GPATCH1: variants seen among roughly 807,000 people sequenced by gnomAD.
GPATCH1 encodes G-patch domain containing 1, also known as G patch domain-containing protein 1.
GPATCH1 carries 73 observed loss-of-function variants against 114.9 expected under a neutral mutation model. The ratio of observed to expected loss-of-function variants is 0.64; its 90% CI spans 0.53 to 0.77. The LOEUF is 0.77. Among genes scored for constraint, GPATCH1 ranks in the 30% least tolerant of loss-of-function variants. The probability of loss-of-function intolerance (pLI) is 0.00; values close to 1 mark genes in which losing one functional copy is unlikely to be tolerated. For synonymous variants in GPATCH1, 391 were observed against 428.4 expected (o/e 0.91, Z 1.08); for missense variants, 1,058 against 1,144.3 (o/e 0.92, Z 1.09).
rs1004232036 is a variant in GPATCH1, at chr19:33,112,684, A to T, written c.1892+71A>T. 1.1e-5 allele frequency: 14 copies of T among 1,227,804 alleles called. No homozygotes were observed. In the Admixed American group the frequency reaches 1.3e-4, roughly 11 times the overall value. The allele number at this position is 1,227,804 out of a possible 1,614,324, so 76.1% of individuals were successfully genotyped here. A position where few individuals can be genotyped will look rare whatever the true frequency, so the allele number is the denominator to read the frequency against. ...ATTAAAGCTAATTTTCCCCTTACATACTCATATAAATTCTTATTTTTTCTA... is the reference window on the plus strand; with the variant it reads ...ATTAAAGCTAATTTTCCCCTTACATTCTCATATAAATTCTTATTTTTTCTA... On this transcript the variant is annotated intron_variant, in intron 13 of 19. Transcript: ENST00000170564.
At chr19:33,102,397 A>AT (rs35403942) in intron 9 of GPATCH1, among the ~76,000 whole-genome samples, 68,729 of 135,234 alleles carry the variant, frequency 0.51, 20,262 homozygotes, top group African/African-American at 0.78. Flanking sequence ...TCTAATTTCT[A>AT]TTTTTTTTTT....
chr19:33,105,302 C>T (rs1460876082), intron 9 of GPATCH1, among the ~76,000 whole-genome samples: 9 of 149,486 alleles, frequency 6.0e-5, no homozygotes, highest in African/African-American at 1.7e-4. Flanking sequence ...CATGGTGATG[C>T]GTGCCTGTAA....
rs1972551085 is a variant in GPATCH1 at position 33,087,989 on chromosome 19, T to C, written c.74-145T>C. ...TTCTAGGCTATATAAAGCAGTAAAG[T>C]CTAGGAATAACAATTTAAATGATTA... On this transcript the variant is annotated intron_variant, in intron 1 of 19. Coordinates refer to ENST00000170564, the MANE Select transcript of GPATCH1 (RefSeq NM_018025.3). 4 of 519,252 alleles carry C rather than the reference T, an allele frequency of 7.7e-6. No homozygotes were observed. In the South Asian group the frequency reaches 9.4e-5, roughly 12 times the overall value. The allele number at this position is 519,252 out of a possible 1,614,324, so 32.2% of individuals were successfully genotyped here. A position where few individuals can be genotyped will look rare whatever the true frequency, so the allele number is the denominator to read the frequency against.
chr19:33,100,726 T>C (rs2145316182), intron 8 of GPATCH1, among the ~76,000 whole-genome samples: 1 of 151,692 alleles, frequency 6.6e-6, no homozygotes, highest in East Asian at 1.9e-4. Flanking sequence ...TGTTCCTGCT[T>C]CAGGCCTGAG....
In GPATCH1 at chr19:33,130,156, A is replaced by T. The variant is rs748855159; in HGVS notation, c.2792A>T (p.Gln931Leu). The change falls in exon 20 of 20, where the codon CAG becomes CTG. Residue 931 changes from glutamine (Q) to leucine (L), a missense_variant. By Grantham distance (113) the Gln-to-Leu change is moderately radical. Around this residue, in one of 3 missense-constraint regions of GPATCH1, gnomAD observed 893 missense variants for 977.4 expected, o/e 0.91. Transcript: ENST00000170564. ...RRLKSLPLRR[Q>L] ...CTGAAAAGTCTTCCACTAAGAAGGC[A>T]GTAATTGAATGCTGCCCTGGCTCGT... 3.1e-6 allele frequency: 5 copies of T among 1,607,500 alleles called. No homozygotes were observed. Among genetic ancestry groups the T allele is most frequent in the Non-Finnish European group, 4.3e-6 (5 of 1,174,084 alleles).
chr19:33,129,376 C>G (rs1453680875), intron 19 of GPATCH1, among the ~76,000 whole-genome samples: 1 of 150,110 alleles, frequency 6.7e-6, no homozygotes, highest in Non-Finnish European at 1.5e-5. Context: ...AGTTCAAGAC[C>G]AGCTCGGGTA....
chr19:33,099,764 AAT>A (rs1491504947), intron 8 of GPATCH1, among the ~76,000 whole-genome samples: 1 of 140,370 alleles, frequency 7.1e-6, no homozygotes, highest in Admixed American at 7.3e-5. Context: ...ACGCCCAGCT[AAT>A]TTTTTTTTTT....
At chr19:33,104,680 C>T (rs918173819) in intron 9 of GPATCH1, among the ~76,000 whole-genome samples, 3 of 152,030 alleles carry the variant, frequency 2.0e-5, no homozygotes, top group Admixed American at 6.6e-5. Flanking sequence ...ACTCCTCAGG[C>T]GAGTCCAGCA....
At chr19:33,105,402 ACT>A (rs1972772102) in intron 9 of GPATCH1, among the ~76,000 whole-genome samples, 1 of 141,904 alleles carries the variant, frequency 7.0e-6, no homozygotes, top group African/African-American at 2.6e-5. Context: ...ACAGAGCAAG[ACT>A]CTGTCTCAAA....
rs768595423 is a variant in GPATCH1, at chr19:33,106,908, CATGGAGAAG to C, written c.1285+11_1285+19del. 22 of 1,595,998 alleles carry C rather than the reference CATGGAGAAG, an allele frequency of 1.4e-5. No individual in the cohort carries two copies. The African/African-American group carries it at 2.6e-4, about 18-fold the overall frequency. Reference sequence around the variant, plus strand: ...AGAGACGCCTATTCAAGGTATGTGCCATGGAGAAGACGGAAATCATTTCACATAATTCGA... The same window carrying C: ...AGAGACGCCTATTCAAGGTATGTGCCACGGAAATCATTTCACATAATTCGA... On this transcript the variant is annotated intron_variant, in intron 10 of 19. Transcript: ENST00000170564.
rs3786931 is a variant in GPATCH1 at position 33,129,598 on chromosome 19, G to A, written c.2766-532G>A. ...TTGCTTTTATAAGTGGTCTTAATAC[G>A]AGGTGTGGGTGAGTGAGTCTCTGTG... On this transcript the variant is annotated intron_variant, in intron 19 of 19. Transcript: ENST00000170564. 0.023 allele frequency among the ~76,000 whole-genome samples: 3,451 copies of A among 152,116 alleles called. 397 individuals carry two copies. The East Asian group carries it at 0.36, about 16-fold the overall frequency.
At chr19:33,128,594 A>G (rs1469726991) in intron 19 of GPATCH1, among the ~76,000 whole-genome samples, 2 of 152,080 alleles carry the variant, frequency 1.3e-5, no homozygotes, top group East Asian at 1.9e-4. Context: ...GGGATCTCCT[A>G]TGTTGCCCAA....
rs745713449 is a variant in GPATCH1 at position 33,117,973 on chromosome 19, G to C, written c.2345G>C (p.Gly782Ala). The C allele has an allele frequency of 6.2e-7, 1 of 1,613,868 alleles. No homozygotes were observed. Residue 782 changes from glycine to alanine, a missense_variant, in exon 16 of 20, where the codon GGC (glycine) becomes GCC (alanine). Gly to Ala is a moderately conservative substitution (Grantham distance 60, BLOSUM62 0). This residue lies in a region of GPATCH1 where 893 missense variants were observed against 977.4 expected (regional missense o/e 0.91). Transcript: ENST00000170564. ...EQGDSEDDQAGSGEANFQSSQ... is the reference protein window; with the variant it reads ...EQGDSEDDQAASGEANFQSSQ... ...GGTGACAGTGAAGATGATCAGGCAGGCTCTGGGGAGGCCAACTTCCAAAGC... is the reference window on the plus strand; with the variant it reads ...GGTGACAGTGAAGATGATCAGGCAGCCTCTGGGGAGGCCAACTTCCAAAGC...
At chr19:33,107,104 T>A (rs1021477939) in intron 10 of GPATCH1, among the ~76,000 whole-genome samples, 2 of 152,198 alleles carry the variant, frequency 1.3e-5, no homozygotes, top group African/African-American at 4.8e-5. Flanking sequence ...TAAACTTATT[T>A]ATTTTGAGAT....
chr19:33,129,949 G>GAAAAA (rs59303077), intron 19 of GPATCH1, among the ~76,000 whole-genome samples, 181 bp from the exon 20 acceptor site: 1 of 139,832 alleles, frequency 7.2e-6, no homozygotes, highest in African/African-American at 2.7e-5. Context: ...CATCTCGGGG[G>GAAAAA]AAAAAAAAAA....
chr19:33,123,127 C>T lies in GPATCH1; in HGVS notation c.2522-1978C>T, dbSNP rs182521284. On this transcript the variant is annotated intron_variant, in intron 17 of 19. Coordinates refer to ENST00000170564, the MANE Select transcript of GPATCH1 (RefSeq NM_018025.3). ...AAATAAATAAATAAATAGCTGGGCA[C>T]GGTGGCTCACGCCTGTAATCCCAGC... Among the ~76,000 whole-genome samples the T allele has an allele frequency of 9.3e-5, 14 of 150,844 alleles. No individual in the cohort carries two copies. The East Asian group carries it at 1.4e-3, about 15-fold the overall frequency.
Position 33,093,419 on chromosome 19 carries a change from A to G in GPATCH1, c.355A>G (p.Lys119Glu). 1 of 1,613,960 alleles carries G rather than the reference A, an allele frequency of 6.2e-7. No homozygotes were observed. Among genetic ancestry groups the G allele is most frequent in the Non-Finnish European group, 8.5e-7 (1 of 1,179,838 alleles). Residue 119 changes from lysine to glutamate, a missense_variant, in exon 4 of 20, where the codon AAA (lysine) becomes GAA (glutamate). Coordinates refer to ENST00000170564, the MANE Select transcript of GPATCH1 (RefSeq NM_018025.3). ...TGTCACCACAGACGATTTTGCCTCC[A>G]AAACCAAAGACAGAATACGAGAAAA... ...AIVTTDDFAS[K>E]TKDRIREKAR...
At chr19:33,089,108 A>G (rs1460537359) in intron 2 of GPATCH1, among the ~76,000 whole-genome samples, 1 of 152,230 alleles carries the variant, frequency 6.6e-6, no homozygotes, top group Non-Finnish European at 1.5e-5. Context: ...CAGATGATTA[A>G]ATGATAATAA....
chr19:33,110,095 T>C, intron 11 of GPATCH1, 79 bp downstream of exon 11: 1 of 1,235,070 alleles, frequency 8.1e-7, no homozygotes, highest in Non-Finnish European at 1.1e-6. Context: ...AGACCCATAT[T>C]TACAGTTGAG....
Sources: allele counts gnomAD v4.1 joint callset (sites outside exome capture counted in the v4.1 genomes callset), GRCh38; gene constraint gnomAD v4.1.1; regional missense constraint gnomAD v4.1.1; transcripts MANE v1.5; gene names NCBI Gene and HGNC (gene_info 2026-07-23, HGNC 2026-07-21).